The following TAFA4 variants were observed in gnomAD, a reference collection of about 807,000 sequenced individuals.
TAFA4 encodes the protein TAFA chemokine like family member 4, also known as chemokine-like protein TAFA-4.
TAFA4 carries 20 observed loss-of-function variants against 21.1 expected under a neutral mutation model. The ratio of observed to expected loss-of-function variants is 0.95; its 90% CI spans 0.67 to 1.38. TAFA4 has a LOEUF of 1.38. Among genes scored for constraint, TAFA4 ranks in the 40% most tolerant of loss-of-function variants. The probability of loss-of-function intolerance (pLI) is 0.00; values close to 1 mark genes in which losing one functional copy is unlikely to be tolerated. For missense variants in TAFA4, 211 were observed against 180.9 expected, an observed-to-expected ratio of 1.17 and a Z score of -0.95; for synonymous variants, 71 against 67.4, an observed-to-expected ratio of 1.05 and a Z score of -0.26.
rs192675967 is a variant in TAFA4, at chr3:68,740,886, C to T, written c.287-1687G>A. Among the ~76,000 whole-genome samples the T allele has an allele frequency of 1.8e-3, 274 of 152,252 alleles. 1 individual carries two copies. Among genetic ancestry groups the T allele is most frequent in the African/African-American group, 6.2e-3 (259 of 41,536 alleles). ...TGGGAATATCTAATTTTCCCAGCACCCTTTATTGAAGAGACTATCCTTTCC... is the reference window on the plus strand; with the variant it reads ...TGGGAATATCTAATTTTCCCAGCACTCTTTATTGAAGAGACTATCCTTTCC... On this transcript the variant is annotated intron_variant, in intron 4 of 5. Coordinates refer to ENST00000295569, the MANE Select transcript of TAFA4 (RefSeq NM_182522.5).
intron 5 of TAFA4, among the ~76,000 whole-genome samples, chr3:68,733,675 T>G (rs948328370): frequency 3.3e-5 from 5 of 152,180 alleles, no homozygotes; most frequent in Admixed American, 2.6e-4. Flanking sequence ...TCTAAGAAAA[T>G]TGAACAGCAG....
At chr3:68,849,996 T>C (rs976456114) in intron 3 of TAFA4, among the ~76,000 whole-genome samples, 10 of 152,210 alleles carry the variant, frequency 6.6e-5, no homozygotes, top group African/African-American at 2.4e-4. Flanking sequence ...AAGGTACATA[T>C]TGAGAAATGA....
chr3:68,833,383 A>G (rs1704446712), intron 3 of TAFA4, among the ~76,000 whole-genome samples: 1 of 152,190 alleles, frequency 6.6e-6, no homozygotes, highest in Admixed American at 6.5e-5. Context: ...AGCACCACAG[A>G]ATGCAGATTC....
At chr3:68,872,917 A>G (rs74673919) in intron 3 of TAFA4, among the ~76,000 whole-genome samples, 2,869 of 152,218 alleles carry the variant, frequency 0.019, 90 homozygotes, top group African/African-American at 0.066. Flanking sequence ...TGTTAAATAA[A>G]TGCTTCCAAA....
At chr3:68,906,152 G>A (rs2089898713) in intron 1 of TAFA4, among the ~76,000 whole-genome samples, 1 of 152,186 alleles carries the variant, frequency 6.6e-6, no homozygotes, top group African/African-American at 2.4e-5. Context: ...ATGTGGAGTA[G>A]ACATTCTTCA....
At chr3:68,755,877 T>G (rs917746203) in intron 3 of TAFA4, among the ~76,000 whole-genome samples, 4 of 152,138 alleles carry the variant, frequency 2.6e-5, no homozygotes, top group Admixed American at 1.3e-4. Flanking sequence ...TGTACATGAT[T>G]AGGTGATAAG....
At chr3:68,737,808 G>T (rs1368633403) in intron 5 of TAFA4, among the ~76,000 whole-genome samples, 1 of 152,130 alleles carries the variant, frequency 6.6e-6, no homozygotes, top group African/African-American at 2.4e-5. Context: ...CATAAGAAAG[G>T]CAAGAAGCCA....
In TAFA4 at chr3:68,832,846, T is replaced by C. The variant is rs564644439; in HGVS notation, c.130+47884A>G. 1.6e-4 allele frequency among the ~76,000 whole-genome samples: 25 copies of C among 152,316 alleles called. 1 individual carries two copies. In the South Asian group the frequency reaches 5.0e-3, roughly 30 times the overall value. ...CTGAGCTGCAGTGGGCTCTGCCCAG[T>C]TCAAGCTTCCCCGACACTTTGTTTA... is the stretch of plus-strand genomic sequence containing the variant. On this transcript the variant is annotated intron_variant, in intron 3 of 5. Transcript: ENST00000295569.
At chr3:68,764,237 C>A (rs13433766) in intron 3 of TAFA4, among the ~76,000 whole-genome samples, 71,196 of 151,706 alleles carry the variant, frequency 0.47, 17,103 homozygotes, top group African/African-American at 0.53. Flanking sequence ...CCCCATACCC[C>A]CACAGAGAAA....
At chr3:68,832,007 G>A (rs1055253894) in intron 3 of TAFA4, among the ~76,000 whole-genome samples, 2 of 152,090 alleles carry the variant, frequency 1.3e-5, no homozygotes, top group African/African-American at 4.8e-5. Context: ...CGAAGCTCTC[G>A]TACTGTGGTT....
intron 3 of TAFA4, among the ~76,000 whole-genome samples, chr3:68,876,802 T>C (rs994441663): frequency 2.0e-5 from 3 of 151,734 alleles, no homozygotes; most frequent in African/African-American, 7.3e-5. Flanking sequence ...ACAAAACAGA[T>C]AACATTCAAA....
intron 3 of TAFA4, among the ~76,000 whole-genome samples, chr3:68,857,206 C>T (rs1241461681): frequency 1.3e-5 from 2 of 152,110 alleles, no homozygotes; most frequent in Non-Finnish European, 2.9e-5. Flanking sequence ...AACTGCCAAA[C>T]GTTGTCATGT....
At chr3:68,764,380 A>G (rs115361795) in intron 3 of TAFA4, among the ~76,000 whole-genome samples, 2,128 of 152,280 alleles carry the variant, frequency 0.014, 49 homozygotes, top group African/African-American at 0.048. Context: ...CTCTAGAACT[A>G]TAACAAAATA....
At chr3:68,743,611 T>A (rs1702399274) in intron 4 of TAFA4, among the ~76,000 whole-genome samples, 1 of 152,028 alleles carries the variant, frequency 6.6e-6, no homozygotes, top group East Asian at 1.9e-4. Flanking sequence ...GTTATATTCT[T>A]TGCAGCCTCA....
intron 3 of TAFA4, among the ~76,000 whole-genome samples, chr3:68,789,854 C>T (rs911592713): frequency 2.8e-4 from 42 of 152,088 alleles, no homozygotes; most frequent in African/African-American, 8.7e-4. Flanking sequence ...TCAATAAAAC[C>T]GTGGTAACCT....
chr3:68,856,608 G>A (rs1705075826), intron 3 of TAFA4, among the ~76,000 whole-genome samples: 1 of 152,106 alleles, frequency 6.6e-6, no homozygotes, highest in Admixed American at 6.5e-5. Flanking sequence ...CTCCATAATA[G>A]TGATAATGAG....
At chr3:68,931,730 C>T (rs538188388) in intron 1 of TAFA4, among the ~76,000 whole-genome samples, 2 of 148,050 alleles carry the variant, frequency 1.4e-5, no homozygotes, top group African/African-American at 5.0e-5. Flanking sequence ...GCGCTCGCTG[C>T]GCCCTTCAAG....
At chr3:68,888,797 G>C (rs993181940) in intron 1 of TAFA4, among the ~76,000 whole-genome samples, 1 of 151,546 alleles carries the variant, frequency 6.6e-6, no homozygotes, top group Non-Finnish European at 1.5e-5. Flanking sequence ...TAAGGAACAC[G>C]GCCCTCGAGA....
chr3:68,824,924 G>T (rs114139161), intron 3 of TAFA4, among the ~76,000 whole-genome samples: 2 of 152,094 alleles, frequency 1.3e-5, no homozygotes, highest in African/African-American at 4.8e-5. Context: ...GCTGTCCGAT[G>T]CTTGCTTGGT....
Sources: gnomAD v4.1 joint callset for allele counts (sites outside exome capture counted in the v4.1 genomes callset) on GRCh38, gnomAD v4.1.1 for gene constraint, MANE v1.5 for transcripts, NCBI Gene and HGNC (gene_info 2026-07-23, HGNC 2026-07-21) for gene names.